GALNT16: variants seen among roughly 807,000 people sequenced by gnomAD.
GALNT16 encodes polypeptide N-acetylgalactosaminyltransferase 16, also known as UDP-GalNAc:polypeptide N-acetylgalactosaminyltransferase-like protein 1.
Under a neutral mutation model 76.1 loss-of-function variants are expected in GALNT16, and 40 were observed. The ratio of observed to expected loss-of-function variants is 0.53; its 90% CI spans 0.41 to 0.68. The LOEUF (loss-of-function observed/expected upper bound fraction) is 0.68. GALNT16 is among the 30% of genes least tolerant of loss of function. GALNT16 has a pLI of 0.00. For synonymous variants in GALNT16, 276 were observed against 285.2 expected (o/e 0.97, Z 0.32); for missense variants, 621 against 731.9 (o/e 0.85, Z 1.75).
chr14:69,271,343 A>G (rs2044405243), intron 1 of GALNT16, among the ~76,000 whole-genome samples: 1 of 152,250 alleles, frequency 6.6e-6, no homozygotes. Context: ...TCAGAAGGCC[A>G]GCGCTGGGGC....
At chr14:69,323,878 G>T (rs970912632) in intron 2 of GALNT16, among the ~76,000 whole-genome samples, 1 of 152,190 alleles carries the variant, frequency 6.6e-6, no homozygotes, top group Non-Finnish European at 1.5e-5. Context: ...GAGAGCAATT[G>T]TAATAAAGAA....
At chr14:69,260,136 A>AAGCCCCC, upstream of GALNT16, 3 of 113,994 alleles carry the variant, frequency 2.6e-5, no homozygotes, top group South Asian at 2.2e-4. Context: ...TCTCCCTATC[A>AAGCCCCC]CCCCCCCGCC....
At chr14:69,312,054 AATCT>A (rs2045030766) in intron 1 of GALNT16, among the ~76,000 whole-genome samples, 1 of 125,718 alleles carries the variant, frequency 8.0e-6, no homozygotes, top group East Asian at 2.3e-4. Context: ...AAAAAAAAAA[AATCT>A]GTCTATCTAT....
chr14:69,313,955 C>T (rs1049207599), intron 1 of GALNT16, among the ~76,000 whole-genome samples: 3 of 152,162 alleles, frequency 2.0e-5, no homozygotes, highest in African/African-American at 7.2e-5. Flanking sequence ...GTGATTAGCC[C>T]CTCACCATCA....
chr14:69,292,818 G>T (rs1350105110), intron 1 of GALNT16, among the ~76,000 whole-genome samples: 1 of 152,244 alleles, frequency 6.6e-6, no homozygotes, highest in Admixed American at 6.5e-5. Context: ...CCAGGCTGAT[G>T]ACAGGGTTGG....
the GALNT16 span, among the ~76,000 whole-genome samples, chr14:69,363,468 G>T: frequency 1.3e-5 from 2 of 152,112 alleles, no homozygotes; most frequent in African/African-American, 4.8e-5. Context: ...CTGAAACTCG[G>T]TCCCCTCACC....
downstream of GALNT16, chr14:69,357,080 C>T (rs887524406): frequency 6.6e-6 from 1 of 152,194 alleles, no homozygotes; most frequent in African/African-American, 2.4e-5. Flanking sequence ...GTAAACAAGA[C>T]AGAAACGGTC....
At chr14:69,302,510 TTTC>T (rs2044868393) in intron 1 of GALNT16, among the ~76,000 whole-genome samples, 1 of 152,232 alleles carries the variant, frequency 6.6e-6, no homozygotes, top group African/African-American at 2.4e-5. Flanking sequence ...AAACAGTGTT[TTTC>T]AAACTTTGTT....
intron 14 of GALNT16, chr14:69,348,996 T>A (rs2045599175): frequency 6.6e-6 from 1 of 152,286 alleles, no homozygotes; most frequent in African/African-American, 2.4e-5. Flanking sequence ...GCCTGCATGG[T>A]TTTCCTCCTA....
chr14:69,265,633 C>G (rs145788109), intron 1 of GALNT16, among the ~76,000 whole-genome samples: 61 of 152,318 alleles, frequency 4.0e-4, no homozygotes, highest in African/African-American at 1.4e-3. Flanking sequence ...TTGAGGAGAC[C>G]TTAAGCACCT....
chr14:69,286,249 G>A (rs72722119), intron 1 of GALNT16, among the ~76,000 whole-genome samples: 36,312 of 151,826 alleles, frequency 0.24, 4,368 homozygotes, highest in Middle Eastern at 0.3. Context: ...TCTATTTCTT[G>A]GTAGGGATTT....
At chr14:69,329,078 C>T (rs1305587143) in intron 6 of GALNT16, among the ~76,000 whole-genome samples, 1 of 152,168 alleles carries the variant, frequency 6.6e-6, no homozygotes, top group African/African-American at 2.4e-5. Context: ...GGCAAAGGGG[C>T]CTGGAGCGGT....
At position 69,352,421 on chromosome 14, in the gene GALNT16, G is replaced by A; in HGVS notation, c.*253G>A. ...GGTCAGGGTGCTGGACTGTTGCTGG[G>A]TAGAGACTGAGTAGGTGCCCCTGGC... On this transcript the variant is annotated 3_prime_UTR_variant, in exon 15 of 15. Transcript: ENST00000448469. The A allele has an allele frequency of 2.2e-6, 1 of 461,574 alleles. No homozygotes were observed. Among genetic ancestry groups the A allele is most frequent in the Non-Finnish European group, 3.8e-6 (1 of 260,500 alleles). 28.6% of individuals were successfully genotyped at this position (461,574 alleles called of 1,614,324 possible).
intron 3 of GALNT16, 140 bp from the exon 4 acceptor site, chr14:69,325,197 A>G (rs1277598632): frequency 1.8e-4 from 118 of 667,068 alleles, no homozygotes; most frequent in Non-Finnish European, 1.4e-5. Context: ...GAACTTAGAC[A>G]AGAATAGGAT....
intron 12 of GALNT16, among the ~76,000 whole-genome samples, chr14:69,344,354 C>G (rs1344274864): frequency 2.0e-5 from 3 of 152,266 alleles, no homozygotes; most frequent in Non-Finnish European, 2.9e-5. Context: ...ATTCATGACA[C>G]TAATTCCAAG....
intron 1 of GALNT16, among the ~76,000 whole-genome samples, chr14:69,295,280 T>G (rs1452589590): frequency 6.6e-6 from 1 of 151,268 alleles, no homozygotes; most frequent in Non-Finnish European, 1.5e-5. Context: ...CTGGGTGTGG[T>G]GGCGCATGCC....
chr14:69,264,819 CT>C lies in GALNT16; in HGVS notation c.177+4363del, dbSNP rs60818532. ...TTTATTTTCTCTTTTCTTTTTCTTT[CT>C]TTTTTTTTTTGGACACAGGGTCTCA... On this transcript the variant is annotated intron_variant, in intron 1 of 14. Coordinates refer to ENST00000448469, the MANE Select transcript of GALNT16 (RefSeq NM_001168368.2). Among the ~76,000 whole-genome samples the C allele has an allele frequency of 3.8e-4, 37 of 96,532 alleles. 1 individual carries two copies. Among genetic ancestry groups the C allele is most frequent in the Non-Finnish European group, 5.1e-4 (28 of 55,002 alleles). The allele number at this position is 96,532 out of a possible 152,430, so 63.3% of individuals were successfully genotyped here. A position where few individuals can be genotyped will look rare whatever the true frequency, so the allele number is the denominator to read the frequency against.
chr14:69,377,203 G>A, the GALNT16 span, among the ~76,000 whole-genome samples: 1 of 152,160 alleles, frequency 6.6e-6, no homozygotes, highest in Non-Finnish European at 1.5e-5. Flanking sequence ...AGGTCCCTTT[G>A]ACAAGAATTA....
intron 2 of GALNT16, among the ~76,000 whole-genome samples, chr14:69,322,977 TGTGTGCGCGCGCACGCGCGCACGCATGC>T (rs1362472192): frequency 2.9e-5 from 1 of 34,252 alleles, no homozygotes. Context: ...TGTGTGTGTG[TGTGTGCGCGCGCACGCGCGCACGCATGC>T]ACACGTGTAG....
Sources: allele counts gnomAD v4.1 joint callset (sites outside exome capture counted in the v4.1 genomes callset), GRCh38; gene constraint gnomAD v4.1.1; transcripts MANE v1.5; gene names NCBI Gene and HGNC (gene_info 2026-07-23, HGNC 2026-07-21).